Variants in ARB2A observed in about 807,000 individuals in gnomAD.
ARB2A encodes cotranscriptional regulator ARB2A.
the ARB2A span, among the ~76,000 whole-genome samples, chr5:93,694,520 T>G: frequency 1.3e-5 from 2 of 152,254 alleles, no homozygotes; most frequent in Non-Finnish European, 2.9e-5. Context: ...TACAAACCAC[T>G]GCTCAAGGAA....
At chr5:93,835,045 A>G in the ARB2A span, among the ~76,000 whole-genome samples, 1 of 152,226 alleles carries the variant, frequency 6.6e-6, no homozygotes, top group Admixed American at 6.5e-5. Flanking sequence ...AACTAAATCC[A>G]TTAATTAGTA....
At chr5:93,795,899 C>G in the ARB2A span, among the ~76,000 whole-genome samples, 1 of 150,818 alleles carries the variant, frequency 6.6e-6, no homozygotes, top group East Asian at 1.9e-4. Flanking sequence ...TCCTATAAAT[C>G]CATGGGGAAT....
At chr5:93,670,081 C>G in the ARB2A span, among the ~76,000 whole-genome samples, 1 of 152,152 alleles carries the variant, frequency 6.6e-6, no homozygotes, top group African/African-American at 2.4e-5. Flanking sequence ...ATTTTTCATC[C>G]TTCCTATCCC....
At chr5:93,919,194 T>C in the ARB2A span, among the ~76,000 whole-genome samples, 1 of 152,152 alleles carries the variant, frequency 6.6e-6, no homozygotes, top group Non-Finnish European at 1.5e-5. Flanking sequence ...CATATATTGT[T>C]GGGATAAGAA....
chr5:93,958,375 A>G, the ARB2A span, among the ~76,000 whole-genome samples: 1 of 152,000 alleles, frequency 6.6e-6, no homozygotes, highest in Non-Finnish European at 1.5e-5. Context: ...AACTTTACCA[A>G]ATTAGGTAGG....
At chr5:93,764,717 C>T in the ARB2A span, among the ~76,000 whole-genome samples, 34 of 152,154 alleles carry the variant, frequency 2.2e-4, no homozygotes, top group Non-Finnish European at 4.4e-5. Flanking sequence ...CATCCTGATA[C>T]CAAAGCCTGG....
the ARB2A span, among the ~76,000 whole-genome samples, chr5:93,898,008 CCAGGT>C: frequency 8.6e-5 from 13 of 151,784 alleles, no homozygotes; most frequent in Non-Finnish European, 4.4e-5. Context: ...TTTGCAACTC[CCAGGT>C]CATTCTAGCA....
chr5:93,755,331 T>C, the ARB2A span, among the ~76,000 whole-genome samples: 9 of 152,296 alleles, frequency 5.9e-5, no homozygotes, highest in African/African-American at 1.7e-4. Flanking sequence ...ATTTTACAAG[T>C]AGAAAACACT....
chr5:93,843,417 CTTTTTTTTTTTT>C, the ARB2A span, among the ~76,000 whole-genome samples: 1 of 120,610 alleles, frequency 8.3e-6, no homozygotes, highest in Non-Finnish European at 1.7e-5. Context: ...AACAAGGATA[CTTTTTTTTTTTT>C]TTTTTTTTTT....
chr5:93,812,625 G>C, the ARB2A span, among the ~76,000 whole-genome samples: 1 of 152,122 alleles, frequency 6.6e-6, no homozygotes, highest in Admixed American at 6.6e-5. Context: ...GGAGAAAATA[G>C]AAGTTAGATA....
the ARB2A span, among the ~76,000 whole-genome samples, chr5:93,795,713 T>C: frequency 2.6e-5 from 4 of 152,178 alleles, no homozygotes; most frequent in Non-Finnish European, 5.9e-5. Context: ...AGAGATCAAG[T>C]AGGTTTTTCT....
the ARB2A span, among the ~76,000 whole-genome samples, chr5:93,636,927 C>A: frequency 1.3e-5 from 2 of 152,072 alleles, no homozygotes; most frequent in Non-Finnish European, 2.9e-5. Context: ...TCTTGTGTTC[C>A]TTTTATCATT....
At chr5:93,770,062 A>G in the ARB2A span, among the ~76,000 whole-genome samples, 66 of 152,170 alleles carry the variant, frequency 4.3e-4, no homozygotes, top group African/African-American at 1.6e-3. Flanking sequence ...CAAGGGTAGG[A>G]ACAAATTGTC....
At chr5:93,930,891 A>C in the ARB2A span, among the ~76,000 whole-genome samples, 1 of 152,226 alleles carries the variant, frequency 6.6e-6, no homozygotes, top group South Asian at 2.1e-4. Context: ...ACATAGGTAT[A>C]TGTGTGCCAT....
chr5:93,859,035 G>T, the ARB2A span, among the ~76,000 whole-genome samples: 83 of 152,158 alleles, frequency 5.5e-4, no homozygotes, highest in African/African-American at 2.0e-3. Flanking sequence ...TATAAGAATA[G>T]CACTGGCACA....
At chr5:93,928,086 T>C in the ARB2A span, among the ~76,000 whole-genome samples, 4 of 152,156 alleles carry the variant, frequency 2.6e-5, no homozygotes, top group Non-Finnish European at 5.9e-5. Context: ...CACTTAGGAT[T>C]AGAAACTAGG....
chr5:94,011,546 GA>G, the ARB2A span, among the ~76,000 whole-genome samples: 1 of 152,088 alleles, frequency 6.6e-6, no homozygotes. Flanking sequence ...ATGAGCAAAG[GA>G]AAGAAGCCTG....
At chr5:94,105,510 T>G in the ARB2A span, among the ~76,000 whole-genome samples, 2 of 152,108 alleles carry the variant, frequency 1.3e-5, no homozygotes, top group Non-Finnish European at 2.9e-5. Flanking sequence ...AGATATTCCT[T>G]ACTCATGGAT....
chr5:93,913,362 G>C, the ARB2A span, among the ~76,000 whole-genome samples: 1 of 151,896 alleles, frequency 6.6e-6, no homozygotes, highest in Non-Finnish European at 1.5e-5. Flanking sequence ...GGAGCAAGGG[G>C]TCATGTTCAG....
Sources: allele counts gnomAD v4.1 joint callset (sites outside exome capture counted in the v4.1 genomes callset), GRCh38; gene constraint gnomAD v4.1.1; transcripts MANE v1.5; gene names NCBI Gene and HGNC (gene_info 2026-07-23, HGNC 2026-07-21).